Variants in MX2 observed in about 807,000 individuals in gnomAD.
MX2 encodes interferon-induced GTP-binding protein Mx2.
In MX2, 51 loss-of-function variants were observed where a neutral mutation model predicts 74.0. The observed-to-expected ratio is 0.69, with a 90% CI of 0.55 to 0.87. The LOEUF (loss-of-function observed/expected upper bound fraction) is 0.87. MX2 is among the 40% of genes least tolerant of loss of function. The probability of loss-of-function intolerance (pLI) is 0.00; values close to 1 mark genes in which losing one functional copy is unlikely to be tolerated. For missense variants in MX2, 832 were observed against 908.7 expected (o/e 0.92, Z 1.09); for synonymous variants, 369 against 339.3 (o/e 1.09, Z -0.96).
intron 6 of MX2, among the ~76,000 whole-genome samples, chr21:41,394,067 G>A (rs2089699528): frequency 6.6e-6 from 1 of 152,150 alleles, no homozygotes; most frequent in Non-Finnish European, 1.5e-5. Flanking sequence ...TCTCCTGCCT[G>A]GTCTGCTCAA....
rs963781074 is a variant in MX2, at chr21:41,379,579, C to T, written c.443-438C>T. Among the ~76,000 whole-genome samples the T allele has an allele frequency of 6.9e-4, 105 of 152,114 alleles. 1 individual carries two copies. Among genetic ancestry groups the T allele is most frequent in the Non-Finnish European group, 1.2e-3 (84 of 68,010 alleles). ...CCACATTCCCGCCATCCCCCACCCC[C>T]CACACTAACCAGGGCTGCCCACCGG... is the stretch of plus-strand genomic sequence containing the variant. On this transcript the variant is annotated intron_variant, in intron 3 of 13. Transcript: ENST00000330714.
At chr21:41,398,230 A>G (rs2089761030) in intron 8 of MX2, among the ~76,000 whole-genome samples, 1 of 152,218 alleles carries the variant, frequency 6.6e-6, no homozygotes, top group Non-Finnish European at 1.5e-5. Context: ...AATCGCTTGA[A>G]CCCGGAAGGT....
At position 41,363,096 on chromosome 21, in the gene MX2, G is replaced by A. The variant is rs1299947727; in HGVS notation, c.-72+1041G>A. On this transcript the variant is annotated intron_variant, in intron 1 of 13. Coordinates refer to ENST00000330714, the MANE Select transcript of MX2 (RefSeq NM_002463.2). This position sits in a 1 kb window ranked among gnomAD's most constrained non-coding sequence, Gnocchi z 4.2. ...TTTGAACACTGTTCTTTCTCATTTT[G>A]TGTTTAGAATGTTGTCTCTAGCTGT... Among the ~76,000 whole-genome samples, 3 of 152,022 alleles carry A rather than the reference G, an allele frequency of 2.0e-5. No individual in the cohort carries two copies. Among genetic ancestry groups the A allele is most frequent in the Admixed American group, 1.3e-4 (2 of 15,276 alleles).
chr21:41,395,013 A>T (rs1159394218), intron 6 of MX2, among the ~76,000 whole-genome samples: 1 of 152,120 alleles, frequency 6.6e-6, no homozygotes, highest in African/African-American at 2.4e-5. Flanking sequence ...GAAAGAAGGA[A>T]GAAAGAAAAG....
rs2145853940 is a variant in MX2 at position 41,368,381 on chromosome 21, A to G, written c.-72+6326A>G. On this transcript the variant is annotated intron_variant, in intron 1 of 13. Coordinates refer to ENST00000330714, the MANE Select transcript of MX2 (RefSeq NM_002463.2). The surrounding 1 kb of genome is among the most constrained non-coding windows in gnomAD (Gnocchi z 4.6). ...ACAGATGGTTCACCAGGCACACACC[A>G]GACAACCCGAAACCTACATTCCTTA... 6.6e-6 allele frequency among the ~76,000 whole-genome samples: 1 copy of G among 152,254 alleles called. No individual in the cohort carries two copies. The highest frequency in any genetic ancestry group is 1.9e-4 in the East Asian group (1 of 5,172).
intron 7 of MX2, among the ~76,000 whole-genome samples, chr21:41,396,828 C>G (rs566967082): frequency 6.6e-6 from 1 of 152,312 alleles, no homozygotes; most frequent in South Asian, 2.1e-4. Flanking sequence ...GTTCTCCATG[C>G]TGAGTGAGCA....
intron 5 of MX2, among the ~76,000 whole-genome samples, chr21:41,384,178 G>T (rs1409909619): frequency 6.6e-6 from 1 of 152,116 alleles, no homozygotes; most frequent in Non-Finnish European, 1.5e-5. Context: ...GTTTCCTGAG[G>T]TCTCCTAGCC....
intron 8 of MX2, 32 bp downstream of exon 8, chr21:41,397,723 A>G (rs1400161922): frequency 6.3e-7 from 1 of 1,578,662 alleles, no homozygotes; most frequent in Non-Finnish European, 8.7e-7. Flanking sequence ...ACAAGTCATC[A>G]ATACAGCATG....
At chr21:41,378,138 A>G (rs181384227) in intron 3 of MX2, among the ~76,000 whole-genome samples, 157 bp downstream of exon 3, 24 of 140,690 alleles carry the variant, frequency 1.7e-4, no homozygotes, top group African/African-American at 3.6e-4. Context: ...GAGACAGGCC[A>G]CTGGGAGAGA....
At chr21:41,395,185 G>A (rs1026672037) in intron 6 of MX2, among the ~76,000 whole-genome samples, 3 of 152,074 alleles carry the variant, frequency 2.0e-5, no homozygotes, top group African/African-American at 7.2e-5. Context: ...GAGATCAGAG[G>A]AGGTGCCCAC....
At chr21:41,371,721 G>A (rs995722174) in intron 1 of MX2, among the ~76,000 whole-genome samples, 3 of 152,168 alleles carry the variant, frequency 2.0e-5, no homozygotes, top group Non-Finnish European at 4.4e-5. Flanking sequence ...GAGTTAAGGA[G>A]TAATCTTCTG....
In MX2 at chr21:41,362,388, TG is replaced by T. The variant is rs1478461384; in HGVS notation, c.-72+338del. 3.3e-5 allele frequency among the ~76,000 whole-genome samples: 5 copies of T among 151,842 alleles called. No homozygotes were observed. In the East Asian group the frequency reaches 7.8e-4, roughly 24 times the overall value. ...GCTTTGCTCAGCGTCCTACAAAGTC[TG>T]GGGGTTGAGTAAGGAGCTTTGTGCC... On this transcript the variant is annotated intron_variant, in intron 1 of 13. Transcript: ENST00000330714.
Position 41,382,420 on chromosome 21 carries a change from C to T in MX2, c.588C>T (p.Val196=). ...TCCTGGCCTCCATAGCCCAGAACGT[C>T]ATGGCCGGGAATGGCCGGGGCATCA... ...VEKEIHKAQN[V]MAGNGRGISH... The change falls in exon 5 of 14, where the codon GTC becomes GTT. Residue 196 remains valine, a synonymous_variant. Coordinates refer to ENST00000330714, the MANE Select transcript of MX2 (RefSeq NM_002463.2). 1 of 1,614,100 alleles carries T rather than the reference C, an allele frequency of 6.2e-7. No individual in the cohort carries two copies. The highest frequency in any genetic ancestry group is 2.2e-5 in the East Asian group (1 of 44,880).
At chr21:41,399,456 C>T in intron 10 of MX2, 119 bp downstream of exon 10, 1 of 1,125,096 alleles carries the variant, frequency 8.9e-7, no homozygotes, top group Non-Finnish European at 1.3e-6. Context: ...CCGTGGAACC[C>T]TTGGTAATCA....
intron 6 of MX2, 41 bp downstream of exon 6, chr21:41,390,744 G>T (rs772566976): frequency 5.9e-5 from 94 of 1,605,980 alleles, no homozygotes; most frequent in Non-Finnish European, 7.2e-5. Flanking sequence ...GGTGGCTCAA[G>T]CCTGTAATCC....
At chr21:41,375,848 G>A (rs2089394258) in intron 1 of MX2, among the ~76,000 whole-genome samples, 1 of 152,214 alleles carries the variant, frequency 6.6e-6, no homozygotes, top group Non-Finnish European at 1.5e-5. Context: ...AGGAAAGGGG[G>A]ATACAGTGTG....
Position 41,399,354 on chromosome 21 carries a change from G to T in MX2, c.1414+17G>T, listed in dbSNP as rs1375675975. The T allele has an allele frequency of 6.2e-7, 1 of 1,610,924 alleles. No homozygotes were observed. The highest frequency in any genetic ancestry group is 8.5e-7 in the Non-Finnish European group (1 of 1,178,954). ...CCCAAAAAGGTAAGTTCTGGGCAGG[G>T]CTCCCTGCAAAACAGGGTGGTATTT... is the stretch of plus-strand genomic sequence containing the variant. On this transcript the variant is annotated intron_variant, in intron 10 of 13. Coordinates refer to ENST00000330714, the MANE Select transcript of MX2 (RefSeq NM_002463.2).
chr21:41,371,224 G>A (rs61292225), intron 1 of MX2, among the ~76,000 whole-genome samples: 5,140 of 152,220 alleles, frequency 0.034, 305 homozygotes, highest in African/African-American at 0.11. Flanking sequence ...TCCCAAAGCC[G>A]ACTGCTTGGT....
Position 41,382,550 on chromosome 21 carries a change from G to T in MX2, c.718G>T (p.Asp240Tyr). ...TRVAVDNQPR[D>Y]IGLQIKALIK... Reference sequence around the variant, plus strand: ...GGTGGCTGTGGACAACCAGCCCCGAGACATCGGACTGCAGGTGAGCCCTTC... The same window carrying T: ...GGTGGCTGTGGACAACCAGCCCCGATACATCGGACTGCAGGTGAGCCCTTC... The change falls in exon 5 of 14, where the codon GAC (aspartate) becomes TAC (tyrosine). Residue 240 changes from aspartate to tyrosine, a missense_variant. By Grantham distance (160) the Asp-to-Tyr change is radical (BLOSUM62 -3). Coordinates refer to ENST00000330714, the MANE Select transcript of MX2 (RefSeq NM_002463.2). 1 of 1,614,206 alleles carries T rather than the reference G, an allele frequency of 6.2e-7. No homozygotes were observed. The highest frequency in any genetic ancestry group is 8.5e-7 in the Non-Finnish European group (1 of 1,180,046).
Sources: gnomAD v4.1 joint callset for allele counts (sites outside exome capture counted in the v4.1 genomes callset) on GRCh38, gnomAD v4.1.1 for gene constraint, Gnocchi (gnomAD v3.1) non-coding constraint, MANE v1.5 for transcripts, NCBI Gene and HGNC (gene_info 2026-07-23, HGNC 2026-07-21) for gene names.